Variants in RCC1L observed in about 807,000 individuals in gnomAD.
RCC1L encodes the protein RCC1-like G exchanging factor-like protein.
RCC1L carries 46 observed loss-of-function variants against 58.6 expected under a neutral mutation model. That is an observed-to-expected ratio of 0.79 (90% confidence interval 0.62 to 1.00). The LOEUF is 1.00. RCC1L is among the 50% of genes least tolerant of loss of function. The probability of loss-of-function intolerance (pLI) is 0.00; values close to 1 mark genes in which losing one functional copy is unlikely to be tolerated. For synonymous variants in RCC1L, 281 were observed against 262.9 expected (o/e 1.07, Z -0.67); for missense variants, 636 against 623.6 (o/e 1.02, Z -0.21).
rs1310312373 is a variant in RCC1L, at chr7:75,033,743, C to T, written c.1318-5664G>A. On this transcript the variant is annotated intron_variant, in intron 10 of 10. Coordinates refer to the RCC1L transcript ENST00000614461. ...GTGTGGTGGTGCATACCTGTAATCC[C>T]AACTACTCAGAGGCTGAGGCCAGAG... 2.6e-5 allele frequency among the ~76,000 whole-genome samples: 4 copies of T among 151,352 alleles called. No homozygotes were observed. In the East Asian group the frequency reaches 7.7e-4, roughly 29 times the overall value.
At chr7:75,058,828 A>C in intron 6 of RCC1L, 59 bp from the exon 7 acceptor site, 2 of 1,604,932 alleles carry the variant, frequency 1.2e-6, no homozygotes, top group Admixed American at 3.3e-5. Context: ...ACACATAGGC[A>C]GACTTACTAT....
At chr7:75,073,388 G>C in intron 1 of RCC1L, 26 bp downstream of exon 1, 2 of 1,028,412 alleles carry the variant, frequency 1.9e-6, no homozygotes, top group South Asian at 2.2e-5. Context: ...GAGAGAAGGA[G>C]AGAAGGAGGA....
intron 10 of RCC1L, among the ~76,000 whole-genome samples, chr7:75,051,437 A>T (rs1805912989): frequency 6.6e-6 from 1 of 151,112 alleles, no homozygotes; most frequent in South Asian, 2.1e-4. Context: ...TTTGAGACAC[A>T]GTCTCCCTCT....
chr7:75,067,442 A>C (rs1806539649), intron 2 of RCC1L, among the ~76,000 whole-genome samples: 2 of 152,078 alleles, frequency 1.3e-5, no homozygotes, highest in African/African-American at 4.8e-5. Context: ...CCACCTGGCC[A>C]ACAAGGTGAA....
intron 6 of RCC1L, among the ~76,000 whole-genome samples, chr7:75,060,044 G>A (rs996615960): frequency 2.6e-5 from 4 of 152,192 alleles, no homozygotes; most frequent in Non-Finnish European, 5.9e-5. Flanking sequence ...TTACAGGCAT[G>A]AGCCACCGCG....
At chr7:75,044,341 C>T (rs1166103789) in intron 10 of RCC1L, among the ~76,000 whole-genome samples, 2 of 152,148 alleles carry the variant, frequency 1.3e-5, no homozygotes, top group Non-Finnish European at 2.9e-5. Flanking sequence ...TGGCTCACAC[C>T]TGTAATCCCA....
At chr7:75,052,817 G>A in intron 9 of RCC1L, 21 bp from the exon 10 acceptor site, 1 of 1,605,794 alleles carries the variant, frequency 6.2e-7, no homozygotes, top group South Asian at 1.1e-5. Context: ...AGGAAAACAG[G>A]GGTTGGTTGG....
intron 8 of RCC1L, among the ~76,000 whole-genome samples, 171 bp downstream of exon 8, chr7:75,057,358 C>T (rs1406038506): frequency 6.6e-6 from 1 of 152,114 alleles, no homozygotes; most frequent in Non-Finnish European, 1.5e-5. Context: ...CTCAAGCAAT[C>T]CTCCTGCATC....
chr7:75,056,208 T>C (rs1806077143), intron 8 of RCC1L, 134 bp from the exon 9 acceptor site: 2 of 1,062,418 alleles, frequency 1.9e-6, no homozygotes, highest in Admixed American at 2.2e-5. Context: ...TTTGTTTTTT[T>C]CCTCCTTGCT....
chr7:75,061,071 G>C, intron 6 of RCC1L, 136 bp downstream of exon 6: 1 of 799,382 alleles, frequency 1.3e-6, no homozygotes. Context: ...CAAGAATAGT[G>C]TTCCTCAGAA....
At chr7:75,055,572 G>A (rs932110449) in intron 9 of RCC1L, 44 of 379,606 alleles carry the variant, frequency 1.2e-4, no homozygotes, top group Middle Eastern at 8.6e-4. Flanking sequence ...CCATGGATCC[G>A]CCAAGCCTCT....
intron 1 of RCC1L, among the ~76,000 whole-genome samples, chr7:75,072,243 T>C (rs1806790096): frequency 7.2e-6 from 1 of 139,282 alleles, no homozygotes; most frequent in Admixed American, 7.8e-5. Flanking sequence ...CCCAGGCTGG[T>C]CTCAAACTCT....
At chr7:75,069,025 T>C (rs1806621758) in intron 2 of RCC1L, among the ~76,000 whole-genome samples, 1 of 151,644 alleles carries the variant, frequency 6.6e-6, no homozygotes, top group Admixed American at 6.6e-5. Context: ...CGCGCCTCCA[T>C]GCCCAGCTAA....
intron 9 of RCC1L, among the ~76,000 whole-genome samples, chr7:75,055,291 G>T (rs962197791): frequency 2.6e-5 from 4 of 152,110 alleles, no homozygotes; most frequent in Non-Finnish European, 5.9e-5. Flanking sequence ...ACCAAGAAAA[G>T]GACACATTCC....
At position 75,028,548 on chromosome 7, in the gene RCC1L, C is replaced by G. The variant is rs1805206969; in HGVS notation, c.1318-469G>C. 1.3e-5 allele frequency among the ~76,000 whole-genome samples: 2 copies of G among 152,124 alleles called. 1 individual carries two copies. The highest frequency in any genetic ancestry group is 2.9e-5 in the Non-Finnish European group (2 of 68,014). On this transcript the variant is annotated intron_variant, in intron 10 of 10. Coordinates refer to the RCC1L transcript ENST00000614461. The stretch of plus-strand genomic sequence containing the variant: ...GATAGTCTCAACCCCACCCTCTCCC[C>G]TTGCTGCACTCAGAGTACCAGTGGG...
In RCC1L at chr7:75,042,229, G is replaced by C. The variant is rs1805587891; in HGVS notation, c.*803C>G. The C allele has an allele frequency of 8.1e-6, 8 of 985,326 alleles. No individual in the cohort carries two copies. The highest frequency in any genetic ancestry group is 7.2e-6 in the Non-Finnish European group (6 of 829,946). 61.0% of individuals were successfully genotyped at this position (985,326 alleles called of 1,614,324 possible). On this transcript the variant is annotated 3_prime_UTR_variant, in exon 11 of 11. Transcript: ENST00000610322. The stretch of plus-strand genomic sequence containing the variant: ...ATAGACTTTATTCCAAGACAGATTT[G>C]TAAAAGATGTTTTTAAAGGGAAAGG...
intron 10 of RCC1L, among the ~76,000 whole-genome samples, chr7:75,047,951 TAAAA>T (rs1165495607): frequency 6.9e-5 from 5 of 72,160 alleles, no homozygotes; most frequent in African/African-American, 2.9e-4. Context: ...GGCCAATAAT[TAAAA>T]AAAAAAAAAA....
Position 75,073,654 on chromosome 7 carries a change from C to G in RCC1L, c.84G>C (p.Ala28=), listed in dbSNP as rs782344069. ...GPGLGRGHWT[A]AGRSRSRREA... ...CGCGCCGGCTCCGGGAGCGCCCGGC[C>G]GCCGTCCAGTGCCCTCGCCCCAGCC... Residue 28 remains alanine (A), a synonymous_variant, in exon 1 of 11, where the codon GCG becomes GCC. Transcript: ENST00000610322. The G allele has an allele frequency of 1.2e-4, 178 of 1,473,512 alleles. 1 individual carries two copies. The highest frequency in any genetic ancestry group is 1.5e-4 in the Non-Finnish European group (168 of 1,120,260). 91.3% of individuals were successfully genotyped at this position (1,473,512 alleles called of 1,614,324 possible). A position where few individuals can be genotyped will look rare whatever the true frequency, so the allele number is the denominator to read the frequency against.
At chr7:75,054,985 A>ATT (rs1806029172) in intron 9 of RCC1L, among the ~76,000 whole-genome samples, 1 of 152,194 alleles carries the variant, frequency 6.6e-6, no homozygotes, top group South Asian at 2.1e-4. Context: ...AATTCAGACA[A>ATT]TAAGTGAATA....
Sources: allele counts gnomAD v4.1 joint callset (sites outside exome capture counted in the v4.1 genomes callset), GRCh38; gene constraint gnomAD v4.1.1; transcripts MANE v1.5; gene names NCBI Gene and HGNC (gene_info 2026-07-23, HGNC 2026-07-21).